The following PRKG2 variants were observed in gnomAD, a reference collection of about 807,000 sequenced individuals.
PRKG2 encodes protein kinase cGMP-dependent 2, also known as cGMP-dependent protein kinase 2.
In PRKG2, 33 loss-of-function variants were observed where a neutral mutation model predicts 97.2. That is an observed-to-expected ratio of 0.34 (90% CI 0.26 to 0.45). The LOEUF (loss-of-function observed/expected upper bound fraction) is 0.45. Ranked by LOEUF, PRKG2 falls within the 20% of genes least tolerant of loss-of-function variation. The pLI is 1.00. For missense variants in PRKG2, 638 were observed against 900.0 expected, an observed-to-expected ratio of 0.71 and a Z score of 3.73; for synonymous variants, 330 against 321.8, an observed-to-expected ratio of 1.03 and a Z score of -0.27.
chr4:81,096,867 T>C (rs927630493), intron 17 of PRKG2, among the ~76,000 whole-genome samples: 1 of 152,206 alleles, frequency 6.6e-6, no homozygotes, highest in Non-Finnish European at 1.5e-5. Context: ...AAGCCATTTA[T>C]GAGCGTTAGG....
chr4:81,143,354 C>G (rs1274480713), intron 10 of PRKG2, among the ~76,000 whole-genome samples: 1 of 152,080 alleles, frequency 6.6e-6, no homozygotes, highest in Non-Finnish European at 1.5e-5. Context: ...AACAAGGAAG[C>G]CACTTCCTTT....
intron 14 of PRKG2, among the ~76,000 whole-genome samples, chr4:81,131,382 G>A (rs1207429725): frequency 2.0e-5 from 3 of 152,262 alleles, no homozygotes; most frequent in East Asian, 1.9e-4. Context: ...CATTGATCTC[G>A]CTGTGAGCTG....
At chr4:81,178,478 T>C (rs542900408) in intron 2 of PRKG2, among the ~76,000 whole-genome samples, 1 of 152,248 alleles carries the variant, frequency 6.6e-6, no homozygotes, top group East Asian at 1.9e-4. Flanking sequence ...GTAAGCAATA[T>C]GCTTTCAGGA....
intron 2 of PRKG2, among the ~76,000 whole-genome samples, chr4:81,183,843 C>T (rs183860929): frequency 7.2e-5 from 11 of 152,240 alleles, no homozygotes; most frequent in East Asian, 3.9e-4. Flanking sequence ...CTTCAGTAGG[C>T]GGTTTTCCCC....
intron 14 of PRKG2, among the ~76,000 whole-genome samples, chr4:81,126,216 T>C (rs566175219): frequency 1.3e-5 from 2 of 152,352 alleles, no homozygotes; most frequent in African/African-American, 4.8e-5. Flanking sequence ...CTCATCCATT[T>C]TTATGGCTGC....
At chr4:81,211,548 T>A (rs571152570) in intron 1 of PRKG2, among the ~76,000 whole-genome samples, 1 of 152,282 alleles carries the variant, frequency 6.6e-6, no homozygotes, top group South Asian at 2.1e-4. Context: ...AGTTCTCTAG[T>A]TATGTGGTCA....
At chr4:81,120,303 C>T (rs72663826) in intron 14 of PRKG2, among the ~76,000 whole-genome samples, 14,245 of 152,234 alleles carry the variant, frequency 0.094, 792 homozygotes, top group Middle Eastern at 0.2. Context: ...TGAGGCACCC[C>T]GGGAGTCTCC....
chr4:81,178,993 C>T (rs1299057514), intron 2 of PRKG2, among the ~76,000 whole-genome samples: 4 of 151,818 alleles, frequency 2.6e-5, no homozygotes, highest in African/African-American at 4.8e-5. Flanking sequence ...GTCGTGGTGG[C>T]AGGCGCCTGT....
chr4:81,144,384 T>G, intron 9 of PRKG2, 54 bp from the exon 10 acceptor site: 3 of 1,395,850 alleles, frequency 2.1e-6, no homozygotes, highest in South Asian at 2.4e-5. Flanking sequence ...CCAAGGCAAC[T>G]TGACATTCTT....
intron 13 of PRKG2, among the ~76,000 whole-genome samples, chr4:81,135,600 A>G (rs940265256): frequency 2.0e-5 from 3 of 152,156 alleles, no homozygotes; most frequent in Admixed American, 6.6e-5. Context: ...TTCTTTAGAC[A>G]CCCATCACAA....
chr4:81,158,217 G>C (rs1749282165), intron 6 of PRKG2, among the ~76,000 whole-genome samples: 1 of 148,670 alleles, frequency 6.7e-6, no homozygotes, highest in Non-Finnish European at 1.5e-5. Context: ...AAGCTGATAA[G>C]CAACTTCAGC....
chr4:81,105,412 G>T (rs1743225335), intron 16 of PRKG2, among the ~76,000 whole-genome samples: 1 of 151,928 alleles, frequency 6.6e-6, no homozygotes, highest in Non-Finnish European at 1.5e-5. Flanking sequence ...TTTGTGTCTG[G>T]CTTATTTCAC....
chr4:81,116,915 G>A (rs1430399408), intron 14 of PRKG2, among the ~76,000 whole-genome samples: 2 of 150,088 alleles, frequency 1.3e-5, no homozygotes, highest in Non-Finnish European at 3.0e-5. Context: ...CTGGATGTTA[G>A]ACTTGTGTCA....
intron 2 of PRKG2, among the ~76,000 whole-genome samples, chr4:81,189,999 T>C (rs1238876228): frequency 6.6e-6 from 1 of 152,214 alleles, no homozygotes; most frequent in Non-Finnish European, 1.5e-5. Context: ...ATGGCCATAC[T>C]GCCCAAAGTA....
chr4:81,136,320 T>C (rs2110029495), intron 13 of PRKG2, among the ~76,000 whole-genome samples: 1 of 152,220 alleles, frequency 6.6e-6, no homozygotes, highest in Admixed American at 6.5e-5. Flanking sequence ...AATCGTTTAC[T>C]GGACCCCATC....
chr4:81,114,294 C>T (rs577612983), intron 14 of PRKG2, among the ~76,000 whole-genome samples: 4 of 149,026 alleles, frequency 2.7e-5, no homozygotes, highest in Admixed American at 6.7e-5. Flanking sequence ...ATAGCATTTG[C>T]AACACAGATG....
intron 16 of PRKG2, 29 bp downstream of exon 16, chr4:81,105,784 G>A: frequency 6.2e-7 from 1 of 1,611,530 alleles, no homozygotes. Context: ...CTTTCTTCAA[G>A]ACAAGGGGTT....
At chr4:81,168,642 T>A (rs569813128) in intron 5 of PRKG2, among the ~76,000 whole-genome samples, 91 of 152,202 alleles carry the variant, frequency 6.0e-4, no homozygotes, top group African/African-American at 2.1e-3. Context: ...CACAATATGA[T>A]AGCTAATGCA....
In PRKG2 at chr4:81,105,902, G is replaced by A; in HGVS notation, c.1974C>T (p.Thr658=). ...PPFSGVDQMM[T]YNLILKGIEK... is the part of the protein sequence containing the mutation. ...CAATTCCTTTGAGAATCAAATTGTA[G>A]GTCATCATTTGGTCAACCCCAGAAA... is the stretch of plus-strand genomic sequence containing the variant. Residue 658 remains threonine, a synonymous_variant, in exon 16 of 19, where the codon ACC becomes ACT. Coordinates refer to ENST00000264399, the MANE Select transcript of PRKG2 (RefSeq NM_006259.3). 1 of 1,613,606 alleles carries A rather than the reference G, an allele frequency of 6.2e-7. No individual in the cohort carries two copies. The highest frequency in any genetic ancestry group is 8.5e-7 in the Non-Finnish European group (1 of 1,179,716).
Sources: gnomAD v4.1 joint callset for allele counts (sites outside exome capture counted in the v4.1 genomes callset) on GRCh38, gnomAD v4.1.1 for gene constraint, MANE v1.5 for transcripts, NCBI Gene and HGNC (gene_info 2026-07-23, HGNC 2026-07-21) for gene names.